SEM1: variants seen among roughly 807,000 people sequenced by gnomAD.
SEM1 encodes SEM1 26S proteasome subunit, also known as 26S proteasome complex subunit SEM1.
SEM1 carries 3 observed loss-of-function variants against 12.7 expected under a neutral mutation model. The ratio of observed to expected loss-of-function variants is 0.24; its 90% CI spans 0.11 to 0.61. The LOEUF is 0.61. Among genes scored for constraint, SEM1 ranks in the 20% least tolerant of loss-of-function variants. The pLI, the probability that SEM1 is intolerant of heterozygous loss-of-function variation, is 0.88. For missense variants in SEM1, 59 were observed against 81.3 expected, an observed-to-expected ratio of 0.73 and a Z score of 1.06; for synonymous variants, 30 against 27.8, an observed-to-expected ratio of 1.08 and a Z score of -0.25.
chr7:96,633,285 AAT>A (rs1400806867), intron 2 of SEM1, among the ~76,000 whole-genome samples: 6 of 150,450 alleles, frequency 4.0e-5, no homozygotes, highest in African/African-American at 7.3e-5. Context: ...GATGGTTCTA[AAT>A]ATATATATAT....
chr7:96,586,971 A>C (rs1806657017), intron 2 of SEM1, among the ~76,000 whole-genome samples: 1 of 152,148 alleles, frequency 6.6e-6, no homozygotes, highest in African/African-American at 2.4e-5. Context: ...TTCAGGTACC[A>C]CTGAGGTGTT....
chr7:96,487,464 G>T (rs1391095189), intron 1 of SEM1, among the ~76,000 whole-genome samples: 3 of 149,652 alleles, frequency 2.0e-5, no homozygotes, highest in Non-Finnish European at 4.4e-5. Flanking sequence ...TGGGTATTTT[G>T]GGACCCCCTT....
At chr7:96,634,282 G>A (rs931870328) in intron 2 of SEM1, among the ~76,000 whole-genome samples, 1 of 152,072 alleles carries the variant, frequency 6.6e-6, no homozygotes, top group East Asian at 1.9e-4. Context: ...AAATGTATGT[G>A]ATAACTATGG....
At chr7:96,663,232 G>C (rs987850847) in intron 2 of SEM1, among the ~76,000 whole-genome samples, 3 of 152,102 alleles carry the variant, frequency 2.0e-5, no homozygotes, top group Non-Finnish European at 4.4e-5. Flanking sequence ...GTATGTGGAA[G>C]TTATTTTACA....
chr7:96,625,505 T>C (rs1321096302), intron 2 of SEM1, among the ~76,000 whole-genome samples: 1 of 152,186 alleles, frequency 6.6e-6, no homozygotes, highest in Non-Finnish European at 1.5e-5. Flanking sequence ...TCTTTGGAAT[T>C]ACTCCCTAGT....
At chr7:96,483,707 T>C (rs1802635087) in exon 4 of SEM1, 1 of 937,468 alleles carries the variant, frequency 1.1e-6, no homozygotes, top group Non-Finnish European at 1.6e-6. Context: ...GAACTTGTCA[T>C]GTGACCCACC....
chr7:96,545,829 T>C (rs1442968040), intron 2 of SEM1, among the ~76,000 whole-genome samples: 2 of 152,022 alleles, frequency 1.3e-5, no homozygotes, highest in African/African-American at 2.4e-5. Flanking sequence ...GTCTGGACAA[T>C]AGATATAGCT....
chr7:96,706,570 C>CAAAAAAAAAAAAAAA (rs67892273), intron 1 of SEM1, among the ~76,000 whole-genome samples: 2 of 78,066 alleles, frequency 2.6e-5, no homozygotes, highest in African/African-American at 5.1e-5. Flanking sequence ...CTCAAACAAA[C>CAAAAAAAAAAAAAAA]AAAAAAAAAA....
chr7:96,646,124 A>C (rs1808785300), intron 2 of SEM1, among the ~76,000 whole-genome samples: 1 of 152,156 alleles, frequency 6.6e-6, no homozygotes, highest in Non-Finnish European at 1.5e-5. Flanking sequence ...GGGGTCAGCA[A>C]ACTATAGCCT....
exon 4 of SEM1, chr7:96,481,955 A>G (rs1016014044): frequency 4.6e-5 from 7 of 152,216 alleles, no homozygotes; most frequent in Non-Finnish European, 1.0e-4. Context: ...CATGGGAACC[A>G]GGAATGTGAA....
intron 2 of SEM1, among the ~76,000 whole-genome samples, chr7:96,560,542 C>T (rs1263222783): frequency 6.6e-6 from 1 of 151,994 alleles, no homozygotes; most frequent in Non-Finnish European, 1.5e-5. Flanking sequence ...CTTTGTTGGC[C>T]TATATATTCC....
intron 2 of SEM1, among the ~76,000 whole-genome samples, chr7:96,506,853 T>G (rs1344776068): frequency 2.6e-5 from 4 of 152,092 alleles, no homozygotes; most frequent in Non-Finnish European, 5.9e-5. Flanking sequence ...AAATCAATAC[T>G]TATAAATTTT....
chr7:96,528,696 T>G (rs952465600), intron 2 of SEM1, among the ~76,000 whole-genome samples: 1 of 152,136 alleles, frequency 6.6e-6, no homozygotes, highest in African/African-American at 2.4e-5. Flanking sequence ...TCATATCACC[T>G]GGGAGCTTGT....
intron 2 of SEM1, among the ~76,000 whole-genome samples, chr7:96,515,031 G>T (rs79029074): frequency 0.021 from 3,224 of 152,200 alleles, 101 homozygotes; most frequent in African/African-American, 0.073. Context: ...TATGGTATTG[G>T]TGAAAGAGTA....
At chr7:96,699,563 T>A (rs1486606289) in intron 1 of SEM1, among the ~76,000 whole-genome samples, 1 of 152,224 alleles carries the variant, frequency 6.6e-6, no homozygotes, top group Non-Finnish European at 1.5e-5. Context: ...TACTATTTCA[T>A]AAGCAAATAC....
At chr7:96,605,726 C>T (rs184380357) in intron 2 of SEM1, among the ~76,000 whole-genome samples, 31 of 152,040 alleles carry the variant, frequency 2.0e-4, no homozygotes, top group Middle Eastern at 3.4e-3. Context: ...CTTTGATTGC[C>T]GTACAGTAGT....
At position 96,640,166 on chromosome 7, in the gene SEM1, A is replaced by G. The variant is rs972741964; in HGVS notation, c.171-17523T>C. ...GCCACTTTGGGAGACAGTTTGGTGG[A>G]TTCTTACAAAACTAAACATACTCTT... On this transcript the variant is annotated intron_variant, in intron 2 of 2. Coordinates refer to the SEM1 transcript ENST00000417009. This position sits in a 1 kb window ranked among gnomAD's most constrained non-coding sequence, Gnocchi z 4.0. 6.6e-6 allele frequency among the ~76,000 whole-genome samples: 1 copy of G among 151,972 alleles called. No individual in the cohort carries two copies. Among genetic ancestry groups the G allele is most frequent in the East Asian group, 1.9e-4 (1 of 5,188 alleles).
At chr7:96,581,335 T>A (rs1000763174) in intron 2 of SEM1, among the ~76,000 whole-genome samples, 1 of 152,200 alleles carries the variant, frequency 6.6e-6, no homozygotes, top group Non-Finnish European at 1.5e-5. Context: ...TCTTTATCTC[T>A]GTTTTGGTAC....
At chr7:96,621,991 A>G (rs1375428321), downstream of SEM1, 1 of 152,338 alleles carries the variant, frequency 6.6e-6, no homozygotes, top group Non-Finnish European at 1.5e-5. Context: ...ACAAAGAAAC[A>G]TGACCAGTTA....
Sources: allele counts gnomAD v4.1 joint callset (sites outside exome capture counted in the v4.1 genomes callset), GRCh38; gene constraint gnomAD v4.1.1; non-coding constraint Gnocchi (gnomAD v3.1); transcripts MANE v1.5; gene names NCBI Gene and HGNC (gene_info 2026-07-23, HGNC 2026-07-21).